ABCD2: variants seen among roughly 807,000 people sequenced by gnomAD.
ABCD2 encodes ATP-binding cassette sub-family D member 2.
A neutral mutation model predicts 70.9 loss-of-function variants in ABCD2; 36 were observed. That is an observed-to-expected ratio of 0.51 (90% CI 0.39 to 0.67). The LOEUF is 0.67. ABCD2 is among the 30% of genes least tolerant of loss of function. The pLI is 0.00. For synonymous variants in ABCD2, 304 were observed against 306.9 expected (o/e 0.99, Z 0.10); for missense variants, 729 against 890.2 (o/e 0.82, Z 2.30).
chr12:39,553,810 G>T lies in ABCD2; in HGVS notation c.*102C>A. On this transcript the variant is annotated 3_prime_UTR_variant, in exon 10 of 10. Coordinates refer to ENST00000308666, the MANE Select transcript of ABCD2 (RefSeq NM_005164.4). Reference sequence around the variant, plus strand: ...AAAATCTTATAAAACATGTCTTGCTGCCTTTTTTTCTCTGTGCTTAGCTTA... The same window carrying T: ...AAAATCTTATAAAACATGTCTTGCTTCCTTTTTTTCTCTGTGCTTAGCTTA... The T allele has an allele frequency of 2.4e-6, 2 of 837,522 alleles. No individual in the cohort carries two copies. Among genetic ancestry groups the T allele is most frequent in the Non-Finnish European group, 3.6e-6 (2 of 553,794 alleles). The allele number at this position is 837,522 out of a possible 1,614,324, so 51.9% of individuals were successfully genotyped here.
intron 2 of ABCD2, among the ~76,000 whole-genome samples, chr12:39,609,489 G>A (rs556478699): frequency 5.9e-5 from 9 of 152,214 alleles, no homozygotes; most frequent in African/African-American, 1.7e-4. Flanking sequence ...TGTAGTTGTC[G>A]TTGCTATTAT....
At chr12:39,565,009 C>T (rs573981057) in intron 9 of ABCD2, among the ~76,000 whole-genome samples, 2 of 152,114 alleles carry the variant, frequency 1.3e-5, no homozygotes, top group African/African-American at 2.4e-5. Flanking sequence ...GGTACTAGTA[C>T]CATGCTGTTT....
intron 9 of ABCD2, among the ~76,000 whole-genome samples, chr12:39,564,437 G>C (rs1044752512): frequency 1.4e-4 from 21 of 152,170 alleles, no homozygotes; most frequent in Non-Finnish European, 1.8e-4. Context: ...CTTTTGAGAA[G>C]TGTCTGTTCA....
At chr12:39,579,465 T>G in intron 8 of ABCD2, 70 bp downstream of exon 8, 1 of 1,087,916 alleles carries the variant, frequency 9.2e-7, no homozygotes, top group Non-Finnish European at 1.4e-6. Context: ...TCCAAACTTT[T>G]GTTGTTCCTA....
At chr12:39,578,389 A>G (rs943562304) in intron 8 of ABCD2, among the ~76,000 whole-genome samples, 1 of 150,726 alleles carries the variant, frequency 6.6e-6, no homozygotes. Flanking sequence ...CAGGAGAATG[A>G]CGTGAACCCG....
At chr12:39,557,849 C>T (rs1259181961) in intron 9 of ABCD2, among the ~76,000 whole-genome samples, 1 of 152,178 alleles carries the variant, frequency 6.6e-6, no homozygotes, top group African/African-American at 2.4e-5. Flanking sequence ...TATGGAAACA[C>T]CTGGATGTCC....
intron 5 of ABCD2, 135 bp from the exon 6 acceptor site, chr12:39,600,851 T>A (rs973507311): frequency 1.1e-5 from 8 of 753,446 alleles, no homozygotes; most frequent in Non-Finnish European, 1.7e-5. Flanking sequence ...AGGAAAAATA[T>A]TTCAGGGTTG....
At chr12:39,533,051 G>T in the ABCD2 span, among the ~76,000 whole-genome samples, 2 of 151,906 alleles carry the variant, frequency 1.3e-5, no homozygotes, top group Non-Finnish European at 2.9e-5. Context: ...TGTAATCCCA[G>T]CTACTCAGGA....
At chr12:39,574,140 G>A (rs1591977215) in intron 8 of ABCD2, among the ~76,000 whole-genome samples, 2 of 152,120 alleles carry the variant, frequency 1.3e-5, no homozygotes, top group African/African-American at 4.8e-5. Context: ...AGGTCACTGA[G>A]TACATTTTCC....
At chr12:39,615,072 A>G (rs889377247) in intron 2 of ABCD2, among the ~76,000 whole-genome samples, 2 of 151,912 alleles carry the variant, frequency 1.3e-5, no homozygotes, top group Non-Finnish European at 2.9e-5. Context: ...TTTTAAATAT[A>G]TTATTACATC....
chr12:39,611,516 T>C lies in ABCD2; in HGVS notation c.1121-3802A>G, dbSNP rs760308277. Among the ~76,000 whole-genome samples the C allele has an allele frequency of 7.9e-5, 12 of 152,308 alleles. No homozygotes were observed. In the South Asian group the frequency reaches 1.2e-3, roughly 16 times the overall value. On this transcript the variant is annotated intron_variant, in intron 2 of 9. Coordinates refer to ENST00000308666, the MANE Select transcript of ABCD2 (RefSeq NM_005164.4). ...TCTTGACAAATCTTGACAAAATTTA[T>C]AACCTGCGCCTATCCTCCACCATAT...
At chr12:39,564,881 T>C (rs1941319556) in intron 9 of ABCD2, among the ~76,000 whole-genome samples, 1 of 152,158 alleles carries the variant, frequency 6.6e-6, no homozygotes, top group Non-Finnish European at 1.5e-5. Context: ...ATTTATTAAA[T>C]AGGGAATCCT....
At position 39,551,094 on chromosome 12, in the gene ABCD2, C is replaced by G. The variant is rs2120503205; in HGVS notation, c.*2818G>C. On this transcript the variant is annotated 3_prime_UTR_variant, in exon 10 of 10. Coordinates refer to ENST00000308666, the MANE Select transcript of ABCD2 (RefSeq NM_005164.4). ...GAGTTGAGTTTTAAGGTATATCATT[C>G]TTCTTGAGATTATTTCAGAGGGATT... 6.6e-6 allele frequency: 1 copy of G among 151,758 alleles called. No homozygotes were observed. The highest frequency in any genetic ancestry group is 2.1e-4 in the South Asian group (1 of 4,820). 9.4% of individuals were successfully genotyped at this position (151,758 alleles called of 1,614,324 possible). A position where few individuals can be genotyped will look rare whatever the true frequency, so the allele number is the denominator to read the frequency against.
downstream of ABCD2, among the ~76,000 whole-genome samples, chr12:39,548,912 A>T (rs942602264): frequency 1.5e-4 from 23 of 151,972 alleles, no homozygotes; most frequent in African/African-American, 4.8e-4. Context: ...ACTGAGACAA[A>T]TTATGTAACT....
chr12:39,609,135 A>G (rs1386301083), intron 2 of ABCD2, among the ~76,000 whole-genome samples: 3 of 152,218 alleles, frequency 2.0e-5, no homozygotes, highest in Non-Finnish European at 4.4e-5. Flanking sequence ...AGTGTCTAAC[A>G]CATAGTACTC....
At chr12:39,565,108 A>G (rs910111195) in intron 9 of ABCD2, among the ~76,000 whole-genome samples, 3 of 151,994 alleles carry the variant, frequency 2.0e-5, no homozygotes, top group Admixed American at 1.3e-4. Context: ...ACTTGGCAAT[A>G]TGGGCTCTTT....
chr12:39,566,081 TA>T (rs1941342073), intron 9 of ABCD2, among the ~76,000 whole-genome samples: 1 of 152,236 alleles, frequency 6.6e-6, no homozygotes. Context: ...GATATTGGTC[TA>T]AAATTCTCTT....
downstream of ABCD2, among the ~76,000 whole-genome samples, chr12:39,546,360 T>G (rs867573324): frequency 6.6e-6 from 1 of 152,152 alleles, no homozygotes; most frequent in Non-Finnish European, 1.5e-5. Context: ...AATAAATACT[T>G]TTCAAGTGTT....
chr12:39,547,386 C>T (rs528932423), downstream of ABCD2, among the ~76,000 whole-genome samples: 1 of 152,216 alleles, frequency 6.6e-6, no homozygotes, highest in Admixed American at 6.5e-5. Flanking sequence ...ACCATATTCA[C>T]ACAGCACTAT....
Sources: gnomAD v4.1 joint callset for allele counts (sites outside exome capture counted in the v4.1 genomes callset) on GRCh38, gnomAD v4.1.1 for gene constraint, MANE v1.5 for transcripts, NCBI Gene and HGNC (gene_info 2026-07-23, HGNC 2026-07-21) for gene names.